The following MAGI2 variants were observed in gnomAD, a reference collection of about 807,000 sequenced individuals.
MAGI2 encodes the protein membrane-associated guanylate kinase, WW and PDZ domain-containing protein 2.
MAGI2 carries 35 observed loss-of-function variants against 133.3 expected under a neutral mutation model. That is an observed-to-expected ratio of 0.26 (90% CI 0.20 to 0.35). The LOEUF is 0.35. Ranked by LOEUF, MAGI2 falls within the 10% of genes least tolerant of loss-of-function variation. MAGI2 has a pLI of 1.00. For missense variants in MAGI2, 1,636 were observed against 1,863.4 expected (o/e 0.88, Z 2.25); for synonymous variants, 729 against 710.6 (o/e 1.03, Z -0.41).
chr7:78,907,217 G>T (rs546089607), intron 2 of MAGI2, among the ~76,000 whole-genome samples: 91 of 152,226 alleles, frequency 6.0e-4, no homozygotes, highest in Admixed American at 1.4e-3. Flanking sequence ...TGTTCCAAAA[G>T]AAGAGCTAGC....
At chr7:78,895,842 A>G (rs1460318311) in intron 2 of MAGI2, among the ~76,000 whole-genome samples, 1 of 152,220 alleles carries the variant, frequency 6.6e-6, no homozygotes, top group Non-Finnish European at 1.5e-5. Context: ...AAGGGTGTTC[A>G]AAGTTAACAA....
chr7:79,354,331 C>T (rs1841877881), intron 1 of MAGI2: 2 of 152,616 alleles, frequency 1.3e-5, no homozygotes, highest in Admixed American at 1.3e-4. Flanking sequence ...GCCACAGTCC[C>T]CCACACTCAT....
chr7:78,515,225 A>G (rs917412990), intron 4 of MAGI2, among the ~76,000 whole-genome samples: 2 of 152,176 alleles, frequency 1.3e-5, no homozygotes, highest in Admixed American at 6.5e-5. Context: ...CCTGAAGGAG[A>G]GTTCAATCTT....
intron 1 of MAGI2, among the ~76,000 whole-genome samples, chr7:79,292,189 A>G (rs1836538636): frequency 6.6e-6 from 1 of 152,192 alleles, no homozygotes; most frequent in Non-Finnish European, 1.5e-5. Context: ...AATTTTGTCA[A>G]AAACGAATTT....
At chr7:78,640,808 A>G (rs1323267752) in intron 2 of MAGI2, among the ~76,000 whole-genome samples, 2 of 152,202 alleles carry the variant, frequency 1.3e-5, no homozygotes, top group Non-Finnish European at 2.9e-5. Flanking sequence ...AGAAAGGCTG[A>G]GGCTGGCCAA....
At chr7:79,437,789 T>C (rs899488092) in intron 1 of MAGI2, among the ~76,000 whole-genome samples, 8 of 152,166 alleles carry the variant, frequency 5.3e-5, no homozygotes, top group African/African-American at 1.7e-4. Flanking sequence ...ATTTTTACTA[T>C]TATTGTTTGT....
intron 3 of MAGI2, among the ~76,000 whole-genome samples, chr7:78,547,481 T>A (rs1283115381): frequency 1.3e-5 from 2 of 152,250 alleles, no homozygotes; most frequent in Non-Finnish European, 2.9e-5. Flanking sequence ...AAATGGTTAT[T>A]TGACAACAAT....
chr7:79,445,508 T>C (rs1396362512), intron 1 of MAGI2, among the ~76,000 whole-genome samples: 4 of 152,060 alleles, frequency 2.6e-5, no homozygotes, highest in African/African-American at 9.7e-5. Context: ...GGGCAAAGGA[T>C]ATGAACAGAC....
intron 1 of MAGI2, among the ~76,000 whole-genome samples, chr7:79,386,887 A>C (rs1265234161): frequency 2.6e-5 from 4 of 152,020 alleles, no homozygotes; most frequent in Non-Finnish European, 5.9e-5. Context: ...TTGAGGACAC[A>C]GCAACAAGGA....
chr7:78,209,834 A>G (rs1019531247), intron 10 of MAGI2, among the ~76,000 whole-genome samples: 1 of 152,154 alleles, frequency 6.6e-6, no homozygotes, highest in African/African-American at 2.4e-5. Context: ...GCTGCTACCT[A>G]TTCCTTGGCC....
chr7:79,162,839 T>C (rs1176904210), intron 1 of MAGI2, among the ~76,000 whole-genome samples: 2 of 152,074 alleles, frequency 1.3e-5, no homozygotes, highest in African/African-American at 2.4e-5. Flanking sequence ...GCTCAACACA[T>C]AGAAGTTAAA....
chr7:78,620,741 A>G (rs1284936917), intron 3 of MAGI2, among the ~76,000 whole-genome samples: 1 of 152,030 alleles, frequency 6.6e-6, no homozygotes, highest in African/African-American at 2.4e-5. Flanking sequence ...AAATTGGGAC[A>G]ATATTACAAT....
intron 2 of MAGI2, among the ~76,000 whole-genome samples, chr7:78,741,433 G>C (rs1822426835): frequency 7.0e-6 from 1 of 143,068 alleles, no homozygotes; most frequent in South Asian, 2.2e-4. Context: ...ACACACGGGA[G>C]GGGGGTTAGA....
intron 3 of MAGI2, among the ~76,000 whole-genome samples, chr7:78,524,189 C>T (rs114459908): frequency 1.3e-5 from 2 of 152,234 alleles, no homozygotes; most frequent in Admixed American, 6.5e-5. Context: ...GGAGCCCTAC[C>T]GTCCACTGAT....
intron 2 of MAGI2, among the ~76,000 whole-genome samples, chr7:78,689,798 A>T (rs1299254601): frequency 1.3e-5 from 2 of 150,130 alleles, no homozygotes; most frequent in Non-Finnish European, 2.9e-5. Flanking sequence ...TTGTAATAAG[A>T]TATCACAATT....
intron 3 of MAGI2, among the ~76,000 whole-genome samples, chr7:78,603,782 G>C (rs1805471418): frequency 6.6e-6 from 1 of 152,080 alleles, no homozygotes. Flanking sequence ...CAGCCTCCCA[G>C]AGTGCTGGGA....
chr7:78,125,050 G>T (rs547320647), intron 20 of MAGI2, among the ~76,000 whole-genome samples: 10 of 152,064 alleles, frequency 6.6e-5, no homozygotes, highest in Admixed American at 5.9e-4. Context: ...ATTTTTAGTA[G>T]AGATGGGGTT....
intron 1 of MAGI2, among the ~76,000 whole-genome samples, chr7:79,391,534 T>TAG (rs1293845284): frequency 5.0e-4 from 22 of 43,628 alleles, no homozygotes; most frequent in Non-Finnish European, 2.5e-4. Context: ...TATATATATA[T>TAG]ATAGACATAT....
At chr7:79,090,314 C>A (rs2129542495) in intron 1 of MAGI2, among the ~76,000 whole-genome samples, 1 of 151,932 alleles carries the variant, frequency 6.6e-6, no homozygotes, top group East Asian at 1.9e-4. Context: ...TCTTTTATTT[C>A]ATCTGTATTT....
Sources: allele counts gnomAD v4.1 joint callset (sites outside exome capture counted in the v4.1 genomes callset), GRCh38; gene constraint gnomAD v4.1.1; transcripts MANE v1.5; gene names NCBI Gene and HGNC (gene_info 2026-07-23, HGNC 2026-07-21).